CSMD1: variants seen among roughly 807,000 people sequenced by gnomAD.
The protein encoded by CSMD1 is CUB and sushi domain-containing protein 1.
Under a neutral mutation model 417.5 loss-of-function variants are expected in CSMD1, and 213 were observed. That is an observed-to-expected ratio of 0.51 (90% CI 0.46 to 0.57). The LOEUF is 0.57. Ranked by LOEUF, CSMD1 falls within the 20% of genes least tolerant of loss-of-function variation. The pLI is 0.00. For missense variants in CSMD1, 6,923 were observed against 4,529.7 expected, an observed-to-expected ratio of 1.53 and a Z score of -15.17; for synonymous variants, 2,862 against 1,736.8, an observed-to-expected ratio of 1.65 and a Z score of -16.11.
chr8:4,121,620 T>TAAA (rs35084613), intron 3 of CSMD1, among the ~76,000 whole-genome samples: 1 of 144,074 alleles, frequency 6.9e-6, no homozygotes. Flanking sequence ...ACACCTAGTT[T>TAAA]AAAAAAAAAA....
At chr8:4,398,813 T>G (rs1804447744) in intron 3 of CSMD1, among the ~76,000 whole-genome samples, 1 of 152,208 alleles carries the variant, frequency 6.6e-6, no homozygotes, top group Admixed American at 6.5e-5. Flanking sequence ...CCCTATCTTG[T>G]GTGGTATTTT....
rs560004405 is a variant in CSMD1, at chr8:3,267,781, G to A, written c.4153+16363C>T. On this transcript the variant is annotated intron_variant, in intron 26 of 69. Coordinates refer to ENST00000635120, the MANE Select transcript of CSMD1 (RefSeq NM_033225.6). ...CCACAGCAGCTGATGGGAGTGGAGC[G>A]GGGAGACCAAGGGGTGCAGAGGCCG... is the stretch of plus-strand genomic sequence containing the variant. Among the ~76,000 whole-genome samples, 9 of 152,206 alleles carry A rather than the reference G, an allele frequency of 5.9e-5. No homozygotes were observed. The East Asian group carries it at 9.7e-4, about 16-fold the overall frequency.
At chr8:4,395,561 A>G (rs758755278) in intron 3 of CSMD1, among the ~76,000 whole-genome samples, 10 of 151,956 alleles carry the variant, frequency 6.6e-5, no homozygotes, top group Non-Finnish European at 1.3e-4. Flanking sequence ...AGCTATAACT[A>G]TCTGAAAGAA....
chr8:4,182,167 T>A (rs73658440), intron 3 of CSMD1, among the ~76,000 whole-genome samples: 5 of 152,032 alleles, frequency 3.3e-5, no homozygotes, highest in African/African-American at 1.2e-4. Flanking sequence ...ACCAACAAAA[T>A]AGACCTATTA....
At chr8:3,647,141 T>C (rs1359301921) in intron 7 of CSMD1, among the ~76,000 whole-genome samples, 1 of 152,208 alleles carries the variant, frequency 6.6e-6, no homozygotes, top group South Asian at 2.1e-4. Context: ...GAATGTAAGC[T>C]TGTAGGGGTG....
At chr8:3,164,863 G>T (rs534790926) in intron 37 of CSMD1, among the ~76,000 whole-genome samples, 72 of 152,068 alleles carry the variant, frequency 4.7e-4, no homozygotes, top group African/African-American at 1.7e-3. Flanking sequence ...CATAAGATAT[G>T]ATGTGTTTTT....
chr8:3,191,650 TA>T (rs1382954909), intron 33 of CSMD1, among the ~76,000 whole-genome samples: 3 of 152,084 alleles, frequency 2.0e-5, no homozygotes, highest in Admixed American at 2.0e-4. Flanking sequence ...GTGGGTGAGA[TA>T]ACTATTCAGG....
At chr8:3,327,721 A>G (rs780868021) in intron 23 of CSMD1, among the ~76,000 whole-genome samples, 6 of 152,228 alleles carry the variant, frequency 3.9e-5, no homozygotes, top group Admixed American at 3.9e-4. Flanking sequence ...GAAGTAAAGT[A>G]ACTTTGTTAG....
At position 4,465,753 on chromosome 8, in the gene CSMD1, CATCT is replaced by C. The variant is rs140249631; in HGVS notation, c.303-45692_303-45689del. On this transcript the variant is annotated intron_variant, in intron 2 of 69. Transcript: ENST00000635120. ...TTTGGAGGAACTCTAGTTTGTAGGT[CATCT>C]ATTATTTTCTCACCTCTGAGAATGG... is the stretch of plus-strand genomic sequence containing the variant. 1.9e-3 allele frequency among the ~76,000 whole-genome samples: 283 copies of C among 152,242 alleles called. 10 individuals carry two copies. In the East Asian group the frequency reaches 0.052, roughly 28 times the overall value.
At chr8:4,157,856 G>A (rs117451285) in intron 3 of CSMD1, among the ~76,000 whole-genome samples, 3,375 of 152,248 alleles carry the variant, frequency 0.022, 53 homozygotes, top group Non-Finnish European at 0.035. Context: ...ACAGGATGCT[G>A]AAGTTGGGCT....
intron 2 of CSMD1, among the ~76,000 whole-genome samples, chr8:4,504,373 G>T (rs1359320276): frequency 2.0e-5 from 3 of 152,170 alleles, no homozygotes; most frequent in African/African-American, 4.8e-5. Context: ...GGTTATATCT[G>T]ATGAGTATGT....
chr8:4,220,732 G>T (rs1800979908), intron 3 of CSMD1, among the ~76,000 whole-genome samples: 1 of 152,162 alleles, frequency 6.6e-6, no homozygotes, highest in Non-Finnish European at 1.5e-5. Context: ...TCACTAGCTG[G>T]GATGAGAAAG....
At chr8:3,803,079 T>A (rs1585022453) in intron 5 of CSMD1, among the ~76,000 whole-genome samples, 2 of 152,190 alleles carry the variant, frequency 1.3e-5, no homozygotes, top group Admixed American at 6.5e-5. Context: ...AGCCTTTTGG[T>A]CTATCTCTAT....
intron 2 of CSMD1, among the ~76,000 whole-genome samples, chr8:4,434,535 G>A (rs982080024): frequency 2.6e-5 from 4 of 152,156 alleles, no homozygotes; most frequent in South Asian, 2.1e-4. Flanking sequence ...AAGCACTTAA[G>A]AGCAGCCCAA....
intron 5 of CSMD1, among the ~76,000 whole-genome samples, chr8:3,924,892 G>C (rs547906367): frequency 1.3e-5 from 2 of 152,140 alleles, no homozygotes; most frequent in East Asian, 1.9e-4. Flanking sequence ...CTGGTGCTTT[G>C]TTTTGCTATT....
intron 1 of CSMD1, among the ~76,000 whole-genome samples, chr8:4,886,154 C>A (rs558165714): frequency 1.3e-5 from 2 of 151,996 alleles, no homozygotes; most frequent in African/African-American, 4.8e-5. Context: ...CGACTCCCAG[C>A]TAATTTTTGT....
intron 42 of CSMD1, among the ~76,000 whole-genome samples, chr8:3,111,745 T>C (rs956246553): frequency 4.6e-5 from 7 of 151,974 alleles, no homozygotes; most frequent in Admixed American, 2.0e-4. Context: ...GGCAGGAGAA[T>C]TGCTTCAATC....
At chr8:4,252,039 T>G (rs1214277513) in intron 3 of CSMD1, among the ~76,000 whole-genome samples, 1 of 152,146 alleles carries the variant, frequency 6.6e-6, no homozygotes, top group Non-Finnish European at 1.5e-5. Context: ...TTACTTGAAT[T>G]TCTTTAAGCA....
chr8:4,898,126 C>T (rs1313831175), intron 1 of CSMD1, among the ~76,000 whole-genome samples: 8 of 151,936 alleles, frequency 5.3e-5, no homozygotes, highest in Non-Finnish European at 1.0e-4. Flanking sequence ...ATAAATATTG[C>T]CCATATATAT....
Sources: gnomAD v4.1 joint callset for allele counts (sites outside exome capture counted in the v4.1 genomes callset) on GRCh38, gnomAD v4.1.1 for gene constraint, MANE v1.5 for transcripts, NCBI Gene and HGNC (gene_info 2026-07-23, HGNC 2026-07-21) for gene names.